The following CCDC141 variants were observed in gnomAD, a reference collection of about 807,000 sequenced individuals.
The protein encoded by CCDC141 is coiled-coil domain containing 141.
CCDC141 carries 168 observed loss-of-function variants against 181.0 expected under a neutral mutation model. The observed-to-expected ratio is 0.93, with a 90% CI of 0.82 to 1.05. The LOEUF is 1.05. Ranked by LOEUF, CCDC141 falls within the 50% of genes least tolerant of loss-of-function variation. The pLI is 0.00. For missense variants in CCDC141, 1,902 were observed against 1,788.5 expected, an observed-to-expected ratio of 1.06 and a Z score of -1.14; for synonymous variants, 666 against 642.3, an observed-to-expected ratio of 1.04 and a Z score of -0.56.
chr2:178,900,968 A>C (rs1687659306), intron 8 of CCDC141, among the ~76,000 whole-genome samples: 1 of 152,156 alleles, frequency 6.6e-6, no homozygotes, highest in South Asian at 2.1e-4. Context: ...CCTGGAAGGT[A>C]ATTTTTAGAT....
At chr2:178,969,921 G>A (rs1452062330) in intron 4 of CCDC141, among the ~76,000 whole-genome samples, 1 of 152,164 alleles carries the variant, frequency 6.6e-6, no homozygotes, top group Non-Finnish European at 1.5e-5. Flanking sequence ...TGCAACTTCA[G>A]CAAAGTCTCA....
In CCDC141 at chr2:179,035,935, G is replaced by A. The variant is rs74687560; in HGVS notation, c.225+11349C>T. Among the ~76,000 whole-genome samples, 357 of 152,238 alleles carry A rather than the reference G, an allele frequency of 2.3e-3. 1 individual carries two copies. The highest frequency in any genetic ancestry group is 8.3e-3 in the African/African-American group (345 of 41,556). ...ATCTACCATAATATTCCTGAGTACT[G>A]GGTCTTTTCAAAGTTGCCAAAAGAG... is the stretch of plus-strand genomic sequence containing the variant. On this transcript the variant is annotated intron_variant, in intron 2 of 23. Transcript: ENST00000443758.
At chr2:178,840,328 C>A (rs1469645738) in intron 22 of CCDC141, among the ~76,000 whole-genome samples, 2 of 152,202 alleles carry the variant, frequency 1.3e-5, no homozygotes, top group African/African-American at 4.8e-5. Flanking sequence ...CAGGGGCAGA[C>A]AATGACAACT....
intron 5 of CCDC141, among the ~76,000 whole-genome samples, chr2:178,954,257 G>A (rs753286204): frequency 6.6e-5 from 10 of 152,228 alleles, no homozygotes; most frequent in East Asian, 1.9e-4. Context: ...AATTATGCAC[G>A]AAATACTTCA....
At chr2:178,866,056 A>G (rs1340392692) in intron 16 of CCDC141, 140 bp from the exon 17 acceptor site, 3 of 587,298 alleles carry the variant, frequency 5.1e-6, no homozygotes, top group Admixed American at 7.9e-5. Context: ...TACCTTAAAC[A>G]TATTTGAACA....
chr2:178,828,831 AT>A (rs926146113), downstream of CCDC141, among the ~76,000 whole-genome samples: 1 of 152,114 alleles, frequency 6.6e-6, no homozygotes, highest in African/African-American at 2.4e-5. Flanking sequence ...TATTTCACTG[AT>A]TTTTTTATAC....
chr2:178,844,034 C>T (rs796412454), intron 22 of CCDC141, among the ~76,000 whole-genome samples: 2 of 151,886 alleles, frequency 1.3e-5, no homozygotes, highest in African/African-American at 4.8e-5. Flanking sequence ...GTAAATCTTG[C>T]TTTTTTTTAA....
intron 16 of CCDC141, among the ~76,000 whole-genome samples, chr2:178,867,011 G>A (rs1008826481): frequency 1.3e-5 from 2 of 152,198 alleles, no homozygotes; most frequent in Non-Finnish European, 2.9e-5. Context: ...GCTAAAGAAG[G>A]AATTTTTTTA....
chr2:178,929,502 T>A (rs74796059), intron 6 of CCDC141, among the ~76,000 whole-genome samples: 55 of 152,178 alleles, frequency 3.6e-4, no homozygotes, highest in Non-Finnish European at 7.4e-4. Flanking sequence ...AGCTCCTTTT[T>A]TAATAAATAT....
At chr2:178,818,541 T>C in the CCDC141 span, among the ~76,000 whole-genome samples, 1 of 152,214 alleles carries the variant, frequency 6.6e-6, no homozygotes, top group Non-Finnish European at 1.5e-5. Context: ...TGGTTTTCTG[T>C]TCCTGTGTTA....
intron 9 of CCDC141, among the ~76,000 whole-genome samples, chr2:178,888,120 G>A (rs547840569): frequency 6.6e-6 from 1 of 152,220 alleles, no homozygotes; most frequent in South Asian, 2.1e-4. Flanking sequence ...TAATATTTGG[G>A]ATCTGTCTAT....
intron 5 of CCDC141, among the ~76,000 whole-genome samples, chr2:178,946,810 A>G (rs575432674): frequency 1.3e-5 from 2 of 152,232 alleles, no homozygotes; most frequent in African/African-American, 4.8e-5. Flanking sequence ...ATTCCTGTAA[A>G]ACAATACTAT....
intron 2 of CCDC141, among the ~76,000 whole-genome samples, chr2:179,034,776 T>G (rs1298048952): frequency 6.6e-6 from 1 of 152,234 alleles, no homozygotes; most frequent in Non-Finnish European, 1.5e-5. Flanking sequence ...ATCTTTTTAA[T>G]GATTGTTTCA....
chr2:178,949,606 T>C (rs1213569507), intron 5 of CCDC141, among the ~76,000 whole-genome samples: 1 of 152,202 alleles, frequency 6.6e-6, no homozygotes, highest in African/African-American at 2.4e-5. Flanking sequence ...TGCAAAGCTA[T>C]GGTTATAGAA....
chr2:178,926,582 T>A (rs1258488241), intron 6 of CCDC141: 3 of 152,200 alleles, frequency 2.0e-5, no homozygotes, highest in Admixed American at 6.5e-5. Context: ...ATATTGGATA[T>A]CATTAGTCTT....
rs1260407733 is a variant in CCDC141 at position 178,978,543 on chromosome 2, G to GCATGGACACCAGAGCTGCC, written c.339_357dup (p.Leu120GlyfsTer8). The GCATGGACACCAGAGCTGCC allele has an allele frequency of 6.5e-7, 1 of 1,544,970 alleles. No homozygotes were observed. Among genetic ancestry groups the GCATGGACACCAGAGCTGCC allele is most frequent in the Non-Finnish European group, 8.7e-7 (1 of 1,144,866 alleles). ...CTAAGGAGCTCTGTTCTTCTTTCAAGCATGGACACCAGAGCTGCCCATGCT... is the reference window on the plus strand; with the variant it reads ...CTAAGGAGCTCTGTTCTTCTTTCAAGCATGGACACCAGAGCTGCCCATGGACACCAGAGCTGCCCATGCT... On this transcript the variant is annotated frameshift_variant, in exon 3 of 24. Coordinates refer to ENST00000443758, the MANE Select transcript of CCDC141 (RefSeq NM_173648.4). LOFTEE classifies it high-confidence loss of function.
In CCDC141 at chr2:178,946,196, C is replaced by T. The variant is rs115909249; in HGVS notation, c.781-1545G>A. 9.3e-3 allele frequency among the ~76,000 whole-genome samples: 1,416 copies of T among 152,126 alleles called. 28 individuals carry two copies. Among genetic ancestry groups the T allele is most frequent in the African/African-American group, 0.032 (1,344 of 41,462 alleles). On this transcript the variant is annotated intron_variant, in intron 5 of 23. Transcript: ENST00000443758. ...ATACACATTATCTAGTTAGTCCCCA[C>T]GATACACAAGTATTGTGCTTATGTA... is the stretch of plus-strand genomic sequence containing the variant.
intron 2 of CCDC141, among the ~76,000 whole-genome samples, chr2:178,991,392 T>C (rs1279588028): frequency 6.6e-6 from 1 of 152,152 alleles, no homozygotes; most frequent in Non-Finnish European, 1.5e-5. Context: ...CACTTTAAAA[T>C]GGTTAATTTT....
intron 8 of CCDC141, among the ~76,000 whole-genome samples, chr2:178,904,332 C>T (rs754298686): frequency 1.3e-5 from 2 of 152,170 alleles, no homozygotes; most frequent in East Asian, 3.9e-4. Context: ...TTGTAGCAAA[C>T]ATCACAAACC....
Sources: gnomAD v4.1 joint callset for allele counts (sites outside exome capture counted in the v4.1 genomes callset) on GRCh38, gnomAD v4.1.1 for gene constraint, MANE v1.5 for transcripts, NCBI Gene and HGNC (gene_info 2026-07-23, HGNC 2026-07-21) for gene names.